CTNND2: variants seen among roughly 807,000 people sequenced by gnomAD.
CTNND2 encodes catenin delta-2.
CTNND2 carries 22 observed loss-of-function variants against 144.4 expected under a neutral mutation model. The ratio of observed to expected loss-of-function variants is 0.15; its 90% CI spans 0.11 to 0.22. The LOEUF is 0.22. Among genes scored for constraint, CTNND2 ranks in the 10% least tolerant of loss-of-function variants. CTNND2 has a pLI of 1.00. For synonymous variants in CTNND2, 751 were observed against 695.6 expected, an observed-to-expected ratio of 1.08 and a Z score of -1.25; for missense variants, 1,353 against 1,618.8, an observed-to-expected ratio of 0.84 and a Z score of 2.82.
chr5:11,618,043 C>T lies in CTNND2; in HGVS notation c.175-52987G>A, dbSNP rs756873032. ...GTATTTAGGACTTTAACAACATGCC[C>T]TATACCTTCATCATTCTCTGCCTCC... On this transcript the variant is annotated intron_variant, in intron 2 of 21. Coordinates refer to ENST00000304623, the MANE Select transcript of CTNND2 (RefSeq NM_001332.4). Among the ~76,000 whole-genome samples the T allele has an allele frequency of 3.6e-4, 55 of 151,976 alleles. 1 individual carries two copies. The highest frequency in any genetic ancestry group is 1.0e-3 in the Admixed American group (16 of 15,240).
At position 10,973,425 on chromosome 5, in the gene CTNND2, T is replaced by C; in HGVS notation, c.*28A>G. 1 of 1,536,290 alleles carries C rather than the reference T, an allele frequency of 6.5e-7. No individual in the cohort carries two copies. Among genetic ancestry groups the C allele is most frequent in the South Asian group, 1.3e-5 (1 of 78,010 alleles). Reference sequence around the variant, plus strand: ...TCTTGTGGTATGCATGCACATGCACTGTTCCCGGAGCGCCTGTGCCCTGCT... The same window carrying C: ...TCTTGTGGTATGCATGCACATGCACCGTTCCCGGAGCGCCTGTGCCCTGCT... On this transcript the variant is annotated 3_prime_UTR_variant, in exon 22 of 22. Transcript: ENST00000304623. This position sits in a 1 kb window ranked among gnomAD's most constrained non-coding sequence, Gnocchi z 5.6.
At chr5:11,139,651 G>A (rs1267053802) in intron 12 of CTNND2, among the ~76,000 whole-genome samples, 2 of 152,218 alleles carry the variant, frequency 1.3e-5, no homozygotes, top group African/African-American at 4.8e-5. Context: ...GAGTGCTTGC[G>A]ACCTGCCTGG....
chr5:11,865,616 C>T (rs1208274983), intron 1 of CTNND2, among the ~76,000 whole-genome samples: 1 of 152,084 alleles, frequency 6.6e-6, no homozygotes, highest in Non-Finnish European at 1.5e-5. Flanking sequence ...CATACATGTT[C>T]TAATTCCTAG....
intron 1 of CTNND2, among the ~76,000 whole-genome samples, chr5:11,774,003 C>G (rs1790099130): frequency 6.6e-6 from 1 of 152,012 alleles, no homozygotes; most frequent in South Asian, 2.1e-4. Context: ...AAATACTAAA[C>G]ATGTTGTCAA....
intron 2 of CTNND2, among the ~76,000 whole-genome samples, chr5:11,663,445 G>C (rs1003031605): frequency 6.6e-6 from 1 of 152,138 alleles, no homozygotes; most frequent in Non-Finnish European, 1.5e-5. Flanking sequence ...GAGTAGAACA[G>C]AGATATTCCT....
At chr5:11,511,995 T>C (rs1257675291) in intron 3 of CTNND2, among the ~76,000 whole-genome samples, 1 of 152,186 alleles carries the variant, frequency 6.6e-6, no homozygotes, top group Non-Finnish European at 1.5e-5. Flanking sequence ...CTGAATTCCA[T>C]TCTCATGCAA....
intron 6 of CTNND2, among the ~76,000 whole-genome samples, chr5:11,395,774 G>A (rs2149814314): frequency 6.6e-6 from 1 of 152,304 alleles, no homozygotes; most frequent in East Asian, 1.9e-4. Flanking sequence ...TTCTGGCACA[G>A]TAATTTAATG....
intron 16 of CTNND2, among the ~76,000 whole-genome samples, chr5:11,073,433 C>G (rs1286296573): frequency 6.6e-6 from 1 of 152,220 alleles, no homozygotes; most frequent in African/African-American, 2.4e-5. Flanking sequence ...CTTGCTCTCT[C>G]TTTGAGGTCT....
At chr5:11,045,981 C>T (rs1010966435) in intron 16 of CTNND2, among the ~76,000 whole-genome samples, 2 of 152,088 alleles carry the variant, frequency 1.3e-5, no homozygotes, top group African/African-American at 4.8e-5. Flanking sequence ...TGGCTGGTCC[C>T]CTGTCTGTGC....
rs181735585 is a variant in CTNND2 at position 11,109,595 on chromosome 5, G to A, written c.2463+1263C>T. 5.3e-5 allele frequency among the ~76,000 whole-genome samples: 8 copies of A among 152,146 alleles called. No homozygotes were observed. In the East Asian group the frequency reaches 1.4e-3, roughly 26 times the overall value. On this transcript the variant is annotated intron_variant, in intron 14 of 21. Transcript: ENST00000304623. ...AATATTTGGCTCCTCTGTCCTGGAAGGTCTGTGTTGTAGACTAGATAACCT... is the reference window on the plus strand; with the variant it reads ...AATATTTGGCTCCTCTGTCCTGGAAAGTCTGTGTTGTAGACTAGATAACCT...
rs573653486 is a variant in CTNND2 at position 11,762,588 on chromosome 5, T to C, written c.38-30316A>G. On this transcript the variant is annotated intron_variant, in intron 1 of 21. Transcript: ENST00000304623. ...TTCCAAATGAAAGCTTGCTTTAAGATGGATGATAGCAATCAAGCAAATTTC... is the reference window on the plus strand; with the variant it reads ...TTCCAAATGAAAGCTTGCTTTAAGACGGATGATAGCAATCAAGCAAATTTC... 3.9e-5 allele frequency among the ~76,000 whole-genome samples: 6 copies of C among 152,336 alleles called. No individual in the cohort carries two copies. In the South Asian group the frequency reaches 1.2e-3, roughly 32 times the overall value.
At chr5:11,902,056 C>A (rs1198647503) in intron 1 of CTNND2, among the ~76,000 whole-genome samples, 6 of 152,330 alleles carry the variant, frequency 3.9e-5, no homozygotes, top group African/African-American at 1.4e-4. Context: ...ATTCAATCAA[C>A]TTGAGCCGTA....
intron 18 of CTNND2, among the ~76,000 whole-genome samples, chr5:11,013,034 CAGAA>C (rs1168407571): frequency 1.3e-5 from 2 of 152,142 alleles, no homozygotes; most frequent in Non-Finnish European, 2.9e-5. Context: ...ACAACAGAGG[CAGAA>C]AGATCTCTCT....
chr5:11,169,616 G>A (rs1010207995), intron 11 of CTNND2, among the ~76,000 whole-genome samples: 3 of 152,138 alleles, frequency 2.0e-5, no homozygotes, highest in Non-Finnish European at 4.4e-5. Context: ...TCTGGGTCTC[G>A]AGTGAGCATG....
intron 2 of CTNND2, among the ~76,000 whole-genome samples, chr5:11,717,778 G>A (rs1308563393): frequency 1.3e-5 from 2 of 152,062 alleles, no homozygotes; most frequent in African/African-American, 4.8e-5. Context: ...GATCTCATGA[G>A]ACTTATTTAC....
chr5:11,366,394 T>C (rs909572680), intron 7 of CTNND2, among the ~76,000 whole-genome samples: 1 of 152,140 alleles, frequency 6.6e-6, no homozygotes, highest in Admixed American at 6.6e-5. Context: ...ACTGAGTATT[T>C]TGAGGAGGAG....
chr5:11,575,654 G>C (rs992310076), intron 2 of CTNND2, among the ~76,000 whole-genome samples: 4 of 152,146 alleles, frequency 2.6e-5, no homozygotes, highest in Non-Finnish European at 4.4e-5. Flanking sequence ...AATTATACAT[G>C]CTCTTATCAC....
chr5:11,122,644 A>T (rs914611862), intron 12 of CTNND2, among the ~76,000 whole-genome samples: 1 of 151,744 alleles, frequency 6.6e-6, no homozygotes. Context: ...CCTACATCTC[A>T]TCTTCCAATT....
intron 9 of CTNND2, among the ~76,000 whole-genome samples, chr5:11,328,892 T>C (rs942427799): frequency 6.6e-6 from 1 of 152,246 alleles, no homozygotes; most frequent in Non-Finnish European, 1.5e-5. Flanking sequence ...TTACTGGGCC[T>C]GCCCTGCAAA....
Sources: gnomAD v4.1 joint callset for allele counts (sites outside exome capture counted in the v4.1 genomes callset) on GRCh38, gnomAD v4.1.1 for gene constraint, Gnocchi (gnomAD v3.1) non-coding constraint, MANE v1.5 for transcripts, NCBI Gene and HGNC (gene_info 2026-07-23, HGNC 2026-07-21) for gene names.